MICOS10: variants seen among roughly 807,000 people sequenced by gnomAD.
MICOS10 encodes MICOS complex subunit MIC10.
In MICOS10, 5 loss-of-function variants were observed where a neutral mutation model predicts 13.4. The ratio of observed to expected loss-of-function variants is 0.37; its 90% CI spans 0.20 to 0.78. MICOS10 has a LOEUF of 0.78. Ranked by LOEUF, MICOS10 falls within the 30% of genes least tolerant of loss-of-function variation. MICOS10 has a pLI of 0.47. For synonymous variants in MICOS10, 35 were observed against 33.6 expected (o/e 1.04, Z -0.15); for missense variants, 101 against 94.6 (o/e 1.07, Z -0.28).
At chr1:19,623,687 A>G in intron 3 of MICOS10, 104 bp downstream of exon 3, 1 of 755,542 alleles carries the variant, frequency 1.3e-6, no homozygotes. Context: ...CATGTGTGTC[A>G]TTGTGGCACC....
At chr1:19,600,935 A>G in intron 1 of MICOS10, 1 of 1,289,402 alleles carries the variant, frequency 7.8e-7, no homozygotes, top group South Asian at 1.2e-5. Flanking sequence ...CTTGGCAAAG[A>G]CTGAAGGGAA....
intron 1 of MICOS10, chr1:19,617,482 T>A (rs2094888500): frequency 5.7e-6 from 1 of 176,638 alleles, no homozygotes; most frequent in Non-Finnish European, 1.1e-5. Context: ...TTCACATGAA[T>A]GGCATTTACA....
chr1:19,598,092 A>C (rs1468479835), intron 1 of MICOS10: 3 of 152,236 alleles, frequency 2.0e-5, no homozygotes, highest in Non-Finnish European at 2.9e-5. Context: ...TGGTTTAGTC[A>C]CTGCCCCATC....
rs190354923 is a variant in MICOS10, at chr1:19,626,847, T to C, written c.*446T>C. ...TGAAGATTGCTGCTGCGTGGCCTGA[T>C]GGAGATGACTGATGTCTTAAGGCGC... On this transcript the variant is annotated 3_prime_UTR_variant, in exon 4 of 4. Coordinates refer to ENST00000322753, the MANE Select transcript of MICOS10 (RefSeq NM_001032363.4). 5.3e-4 allele frequency: 97 copies of C among 182,508 alleles called. No individual in the cohort carries two copies. Among genetic ancestry groups the C allele is most frequent in the Non-Finnish European group, 8.7e-4 (74 of 85,038 alleles). 11.3% of individuals were successfully genotyped at this position (182,508 alleles called of 1,614,324 possible). A position where few individuals can be genotyped will look rare whatever the true frequency, so the allele number is the denominator to read the frequency against.
At chr1:19,617,012 A>G (rs2094886738) in intron 1 of MICOS10, among the ~76,000 whole-genome samples, 1 of 152,170 alleles carries the variant, frequency 6.6e-6, no homozygotes, top group South Asian at 2.1e-4. Flanking sequence ...CTGTATCCAC[A>G]TGTGCATTAA....
At chr1:19,609,796 A>G (rs1244666048) in intron 1 of MICOS10, among the ~76,000 whole-genome samples, 1 of 152,192 alleles carries the variant, frequency 6.6e-6, no homozygotes, top group Non-Finnish European at 1.5e-5. Flanking sequence ...ATACAAACCA[A>G]TCTAATGAAG....
Position 19,615,811 on chromosome 1 carries a change from G to A in MICOS10, c.65-6289G>A, listed in dbSNP as rs573121776. Reference sequence around the variant, plus strand: ...GGACTGAGATTCTCCAAGGATAAAGGAAATCTTCCCCGGTGCCTTTTACTT... The same window carrying A: ...GGACTGAGATTCTCCAAGGATAAAGAAAATCTTCCCCGGTGCCTTTTACTT... On this transcript the variant is annotated intron_variant, in intron 1 of 3. Transcript: ENST00000322753. Among the ~76,000 whole-genome samples the A allele has an allele frequency of 1.3e-4, 20 of 152,134 alleles. No individual in the cohort carries two copies. The South Asian group carries it at 3.9e-3, about 30-fold the overall frequency.
intron 1 of MICOS10, among the ~76,000 whole-genome samples, chr1:19,619,728 G>A (rs2094896613): frequency 6.6e-6 from 1 of 152,150 alleles, no homozygotes; most frequent in Admixed American, 6.5e-5. Context: ...TGTTCTGTTG[G>A]GCACTAGGCA....
chr1:19,608,063 A>G, intron 1 of MICOS10: 2 of 806,424 alleles, frequency 2.5e-6, no homozygotes, highest in Non-Finnish European at 4.4e-6. Flanking sequence ...AGCTAAAACT[A>G]TAAAACCTAT....
At chr1:19,608,310 G>A (rs776041316) in intron 1 of MICOS10, 57 of 1,327,798 alleles carry the variant, frequency 4.3e-5, no homozygotes, top group Non-Finnish European at 2.9e-5. Context: ...AAGGCAGACC[G>A]AGATGAATCC....
chr1:19,628,210 C>T lies in MICOS10; in HGVS notation c.*1809C>T, dbSNP rs2094927944. The T allele has an allele frequency of 6.6e-6, 1 of 152,254 alleles. No homozygotes were observed. The highest frequency in any genetic ancestry group is 2.4e-5 in the African/African-American group (1 of 41,396). The allele number at this position is 152,254 out of a possible 1,614,324, so 9.4% of individuals were successfully genotyped here. A position where few individuals can be genotyped will look rare whatever the true frequency, so the allele number is the denominator to read the frequency against. On this transcript the variant is annotated 3_prime_UTR_variant, in exon 4 of 4. Coordinates refer to ENST00000322753, the MANE Select transcript of MICOS10 (RefSeq NM_001032363.4). ...TCTCCTGCCTCAGCCTCCCGAGTAGCTGGGATTACAGGCATGCGCCATCAC... is the reference window on the plus strand; with the variant it reads ...TCTCCTGCCTCAGCCTCCCGAGTAGTTGGGATTACAGGCATGCGCCATCAC...
chr1:19,600,611 G>A (rs1207629153), intron 1 of MICOS10, among the ~76,000 whole-genome samples: 1 of 152,136 alleles, frequency 6.6e-6, no homozygotes, highest in Non-Finnish European at 1.5e-5. Flanking sequence ...GTGGGTTTTT[G>A]TTGTTTTTAA....
chr1:19,600,014 T>C (rs914451543), intron 1 of MICOS10, among the ~76,000 whole-genome samples: 4 of 151,752 alleles, frequency 2.6e-5, no homozygotes, highest in African/African-American at 9.7e-5. Context: ...AGCGGGCAAA[T>C]AGAGAAGCAT....
chr1:19,625,520 G>C (rs904747418), intron 3 of MICOS10: 1 of 1,289,472 alleles, frequency 7.8e-7, no homozygotes, highest in Non-Finnish European at 1.0e-6. Context: ...AGGCGCAGCT[G>C]TGTGGCACTG....
At chr1:19,609,307 C>T (rs2745226) in intron 1 of MICOS10, among the ~76,000 whole-genome samples, 16,660 of 151,956 alleles carry the variant, frequency 0.11, 3,094 homozygotes, top group African/African-American at 0.38. Flanking sequence ...ACCTACACAC[C>T]CATTAAAATA....
chr1:19,603,331 AAAACAAAC>A (rs768406694), intron 1 of MICOS10, among the ~76,000 whole-genome samples: 1 of 152,144 alleles, frequency 6.6e-6, no homozygotes, highest in Non-Finnish European at 1.5e-5. Context: ...ACTCCATCTC[AAAACAAAC>A]AAACAAACAA....
Position 19,597,124 on chromosome 1 carries a change from G to T in MICOS10, c.64+15G>T, listed in dbSNP as rs201508438. On this transcript the variant is annotated intron_variant, in intron 1 of 3. Coordinates refer to ENST00000322753, the MANE Select transcript of MICOS10 (RefSeq NM_001032363.4). ...CGTGAAGATAGGTAAGGGGCTTTTC[G>T]CCCCAGCAGGCCCGGCCGGTGCAGA... is the stretch of plus-strand genomic sequence containing the variant. 6.3e-7 allele frequency: 1 copy of T among 1,598,122 alleles called. No individual in the cohort carries two copies. Among genetic ancestry groups the T allele is most frequent in the Non-Finnish European group, 8.5e-7 (1 of 1,173,076 alleles).
intron 1 of MICOS10, among the ~76,000 whole-genome samples, chr1:19,602,752 AT>A (rs1276758007): frequency 5.9e-5 from 9 of 152,156 alleles, no homozygotes; most frequent in Admixed American, 4.6e-4. Context: ...CCTTGTATGT[AT>A]GGGTAATCTG....
At chr1:19,601,062 T>A in intron 1 of MICOS10, 1 of 1,231,956 alleles carries the variant, frequency 8.1e-7, no homozygotes, top group Non-Finnish European at 1.1e-6. Context: ...TGCTGTACGA[T>A]GACTATTATA....
Sources: allele counts gnomAD v4.1 joint callset (sites outside exome capture counted in the v4.1 genomes callset), GRCh38; gene constraint gnomAD v4.1.1; transcripts MANE v1.5; gene names NCBI Gene and HGNC (gene_info 2026-07-23, HGNC 2026-07-21).